AK5: variants seen among roughly 807,000 people sequenced by gnomAD.
AK5 encodes the protein adenylate kinase 5, also known as adenylate kinase isoenzyme 5.
Under a neutral mutation model 69.5 loss-of-function variants are expected in AK5, and 27 were observed. That is an observed-to-expected ratio of 0.39 (90% CI 0.29 to 0.54). AK5 has a LOEUF of 0.54. Among genes scored for constraint, AK5 ranks in the 20% least tolerant of loss-of-function variants. The pLI is 0.71. For synonymous variants in AK5, 260 were observed against 244.4 expected, an observed-to-expected ratio of 1.06 and a Z score of -0.60; for missense variants, 531 against 700.4, an observed-to-expected ratio of 0.76 and a Z score of 2.73.
At chr1:77,343,311 C>G (rs1179722945) in intron 6 of AK5, among the ~76,000 whole-genome samples, 1 of 152,158 alleles carries the variant, frequency 6.6e-6, no homozygotes, top group African/African-American at 2.4e-5. Context: ...AGTTGAGAAA[C>G]TTCATGTTAG....
intron 12 of AK5, among the ~76,000 whole-genome samples, chr1:77,534,892 T>C (rs1378951469): frequency 6.6e-6 from 1 of 152,188 alleles, no homozygotes; most frequent in African/African-American, 2.4e-5. Flanking sequence ...TCTCTCGTGG[T>C]TCTGGAAGTT....
intron 6 of AK5, among the ~76,000 whole-genome samples, chr1:77,379,297 G>T (rs1382322830): frequency 6.6e-6 from 1 of 152,190 alleles, no homozygotes; most frequent in African/African-American, 2.4e-5. Context: ...TGCCTACTGT[G>T]GTTCACAGAG....
chr1:77,445,586 T>C (rs1009508984), intron 8 of AK5, among the ~76,000 whole-genome samples: 5 of 152,312 alleles, frequency 3.3e-5, no homozygotes, highest in African/African-American at 4.8e-5. Flanking sequence ...GGTTAACCTT[T>C]CATACTTTAT....
intron 8 of AK5, among the ~76,000 whole-genome samples, chr1:77,436,255 A>G (rs185320361): frequency 2.0e-4 from 31 of 152,120 alleles, no homozygotes; most frequent in Non-Finnish European, 3.4e-4. Context: ...TTTCTCAACA[A>G]AGAACATATT....
At chr1:77,385,818 A>G (rs1486565312) in intron 6 of AK5, among the ~76,000 whole-genome samples, 1 of 152,232 alleles carries the variant, frequency 6.6e-6, no homozygotes, top group Admixed American at 6.5e-5. Flanking sequence ...AAAGAGTGGC[A>G]TAATAGTATT....
chr1:77,356,671 A>G (rs1393846892), intron 6 of AK5, among the ~76,000 whole-genome samples: 4 of 152,188 alleles, frequency 2.6e-5, no homozygotes, highest in East Asian at 3.9e-4. Context: ...CAGAAAAAGC[A>G]CTAACAAGAC....
At chr1:77,502,482 C>T (rs1656773538) in intron 10 of AK5, among the ~76,000 whole-genome samples, 1 of 152,208 alleles carries the variant, frequency 6.6e-6, no homozygotes, top group Non-Finnish European at 1.5e-5. Flanking sequence ...GTCCGTATTT[C>T]AGAGAGCCTT....
At chr1:77,552,843 G>C (rs530092367) in intron 13 of AK5, among the ~76,000 whole-genome samples, 3 of 152,250 alleles carry the variant, frequency 2.0e-5, no homozygotes, top group African/African-American at 7.2e-5. Flanking sequence ...TTCAAGCCCA[G>C]CCTGGGCAAC....
chr1:77,509,884 A>G (rs1354057383), intron 10 of AK5, among the ~76,000 whole-genome samples: 1 of 152,196 alleles, frequency 6.6e-6, no homozygotes, highest in Non-Finnish European at 1.5e-5. Context: ...GATAATAATT[A>G]TGATGTTTAT....
chr1:77,346,556 G>A (rs1314422700), intron 6 of AK5, among the ~76,000 whole-genome samples: 4 of 152,148 alleles, frequency 2.6e-5, no homozygotes, highest in Admixed American at 2.0e-4. Flanking sequence ...AAGTGCAGTG[G>A]CGTGACCTCA....
intron 10 of AK5, among the ~76,000 whole-genome samples, chr1:77,497,735 G>A (rs180678835): frequency 2.6e-5 from 4 of 152,108 alleles, no homozygotes; most frequent in South Asian, 2.1e-4. Flanking sequence ...CTACAGGCAC[G>A]CACCACCACG....
chr1:77,529,602 C>T (rs1194857823), intron 12 of AK5, among the ~76,000 whole-genome samples: 1 of 152,160 alleles, frequency 6.6e-6, no homozygotes, highest in Admixed American at 6.5e-5. Flanking sequence ...GGACTATAGG[C>T]GTGAGCCATT....
intron 9 of AK5, among the ~76,000 whole-genome samples, chr1:77,484,940 C>G (rs1275306514): frequency 6.6e-6 from 1 of 152,136 alleles, no homozygotes; most frequent in Non-Finnish European, 1.5e-5. Context: ...TTTAAAACAA[C>G]TATTTTTTAA....
intron 10 of AK5, among the ~76,000 whole-genome samples, chr1:77,497,516 T>G (rs551771718): frequency 3.9e-4 from 60 of 152,282 alleles, no homozygotes; most frequent in African/African-American, 1.4e-3. Flanking sequence ...AGGAACCAAT[T>G]CCAGAGACAG....
At chr1:77,528,972 C>A (rs1358840533) in intron 12 of AK5, among the ~76,000 whole-genome samples, 1 of 152,170 alleles carries the variant, frequency 6.6e-6, no homozygotes, top group Non-Finnish European at 1.5e-5. Flanking sequence ...GGATCCTTGA[C>A]AAGTGCCTTT....
intron 7 of AK5, among the ~76,000 whole-genome samples, chr1:77,414,078 A>T (rs1297104481): frequency 6.6e-6 from 1 of 152,212 alleles, no homozygotes; most frequent in Non-Finnish European, 1.5e-5. Flanking sequence ...TGTAGCATGG[A>T]TCAATGAGAG....
chr1:77,452,010 A>G (rs999829072), intron 8 of AK5, among the ~76,000 whole-genome samples: 1 of 152,224 alleles, frequency 6.6e-6, no homozygotes, highest in Non-Finnish European at 1.5e-5. Flanking sequence ...TCTCAGGTGC[A>G]GAGGCCCAAG....
At chr1:77,399,857 A>G (rs1450744312) in intron 6 of AK5, among the ~76,000 whole-genome samples, 4 of 152,218 alleles carry the variant, frequency 2.6e-5, no homozygotes, top group Non-Finnish European at 2.9e-5. Context: ...AGAGTCAACA[A>G]TAGACAAAGA....
At chr1:77,383,896 A>AT (rs1647823565) in intron 6 of AK5, among the ~76,000 whole-genome samples, 1 of 152,174 alleles carries the variant, frequency 6.6e-6, no homozygotes, top group African/African-American at 2.4e-5. Flanking sequence ...ATGTAATATA[A>AT]TTGCTCCAGT....
Sources: allele counts gnomAD v4.1 joint callset (sites outside exome capture counted in the v4.1 genomes callset), GRCh38; gene constraint gnomAD v4.1.1; transcripts MANE v1.5; gene names NCBI Gene and HGNC (gene_info 2026-07-23, HGNC 2026-07-21).